The following NAV1 variants were observed in gnomAD, a reference collection of about 807,000 sequenced individuals.
NAV1 encodes the protein pore membrane and/or filament interacting like protein 3.
Under a neutral mutation model 175.2 loss-of-function variants are expected in NAV1, and 18 were observed. The ratio of observed to expected loss-of-function variants is 0.10; its 90% CI spans 0.07 to 0.15. The LOEUF is 0.15. Among genes scored for constraint, NAV1 ranks in the 10% least tolerant of loss-of-function variants. The pLI is 1.00. For missense variants in NAV1, 1,731 were observed against 2,436.6 expected, an observed-to-expected ratio of 0.71 and a Z score of 6.10; for synonymous variants, 897 against 978.7, an observed-to-expected ratio of 0.92 and a Z score of 1.56.
chr1:201,572,365 TCTTTC>T (rs1666569174), intron 1 of NAV1, among the ~76,000 whole-genome samples: 1 of 146,994 alleles, frequency 6.8e-6, no homozygotes, highest in African/African-American at 2.6e-5. Flanking sequence ...TTTCTTTCTT[TCTTTC>T]TTTTTTTTTT....
chr1:201,576,392 G>T (rs2102183553), intron 1 of NAV1, among the ~76,000 whole-genome samples: 1 of 152,288 alleles, frequency 6.6e-6, no homozygotes, highest in East Asian at 1.9e-4. Flanking sequence ...ACCATAGTTT[G>T]TTTAATCATT....
At chr1:201,669,608 T>C (rs933424696) in intron 1 of NAV1, among the ~76,000 whole-genome samples, 1 of 152,196 alleles carries the variant, frequency 6.6e-6, no homozygotes, top group African/African-American at 2.4e-5. Flanking sequence ...ACATCAGGTT[T>C]GTGTTTTTCC....
intron 1 of NAV1, among the ~76,000 whole-genome samples, chr1:201,583,579 G>C (rs1347352125): frequency 1.3e-5 from 2 of 152,230 alleles, no homozygotes; most frequent in Non-Finnish European, 2.9e-5. Flanking sequence ...GTGGCACTTG[G>C]GGCCCTGGAA....
intron 1 of NAV1, among the ~76,000 whole-genome samples, chr1:201,704,662 CA>C (rs1338783437): frequency 6.6e-6 from 1 of 152,218 alleles, no homozygotes; most frequent in East Asian, 1.9e-4. Flanking sequence ...AAGGATTTTC[CA>C]AAATGTGGCC....
At chr1:201,583,522 G>A (rs532278292) in intron 1 of NAV1, among the ~76,000 whole-genome samples, 31 of 152,240 alleles carry the variant, frequency 2.0e-4, no homozygotes, top group Non-Finnish European at 4.3e-4. Context: ...TCTCTGAGTG[G>A]GTGAAGGAGG....
chr1:201,577,127 C>T (rs751279357), intron 1 of NAV1, among the ~76,000 whole-genome samples: 5 of 152,190 alleles, frequency 3.3e-5, no homozygotes, highest in African/African-American at 7.2e-5. Flanking sequence ...GCTGGGATTA[C>T]AGGAGTGAAC....
chr1:201,712,723 T>A (rs1671961379), intron 1 of NAV1, 94 bp from the exon 6 acceptor site: 1 of 855,618 alleles, frequency 1.2e-6, no homozygotes, highest in Non-Finnish European at 2.0e-6. Flanking sequence ...GGGACTAGCC[T>A]CCTGGGGACA....
intron 13 of NAV1, chr1:201,792,488 G>A (rs1677182368): frequency 6.6e-6 from 1 of 152,380 alleles, no homozygotes. Flanking sequence ...GGGAGAGCGG[G>A]GAGAAAGCCC....
chr1:201,790,571 A>C, exon 12 of NAV1: 1 of 1,614,046 alleles, frequency 6.2e-7, no homozygotes, highest in Non-Finnish European at 8.5e-7. Flanking sequence ...AGAGGATGCA[A>C]TCTGAGGTAG....
intron 1 of NAV1, among the ~76,000 whole-genome samples, chr1:201,683,866 C>T (rs1670565713): frequency 6.9e-6 from 1 of 143,918 alleles, no homozygotes; most frequent in Non-Finnish European, 1.5e-5. Context: ...AGGAGGGCTT[C>T]ACCTCCTGGA....
upstream of NAV1, among the ~76,000 whole-genome samples, chr1:201,619,733 G>C (rs988255737): frequency 7.2e-5 from 11 of 152,218 alleles, no homozygotes; most frequent in African/African-American, 2.2e-4. Flanking sequence ...TGTCCTGGTG[G>C]GTGGGCAGGG....
chr1:201,604,636 C>T (rs148545268), intron 2 of NAV1, among the ~76,000 whole-genome samples: 197 of 145,004 alleles, frequency 1.4e-3, no homozygotes, highest in African/African-American at 4.9e-3. Context: ...GAGCCGAGAT[C>T]GTGCCACTGC....
At chr1:201,544,060 C>T (rs35578983) in intron 1 of NAV1, among the ~76,000 whole-genome samples, 2 of 152,078 alleles carry the variant, frequency 1.3e-5, no homozygotes, top group Non-Finnish European at 2.9e-5. Context: ...CCACGCCCAG[C>T]CTCAGCGCGG....
At chr1:201,591,430 C>T (rs980938671) in intron 2 of NAV1, among the ~76,000 whole-genome samples, 1 of 152,146 alleles carries the variant, frequency 6.6e-6, no homozygotes, top group African/African-American at 2.4e-5. Flanking sequence ...GTCAGGGCCC[C>T]TCCCAGGGCT....
chr1:201,676,570 T>A (rs1156829640), intron 1 of NAV1, among the ~76,000 whole-genome samples: 3 of 150,606 alleles, frequency 2.0e-5, no homozygotes, highest in Admixed American at 6.6e-5. Flanking sequence ...TCGCAGGAAA[T>A]AGTTTCACCC....
Position 201,783,805 on chromosome 1 carries a change from G to A in NAV1, c.2757G>A (p.Thr919=), listed in dbSNP as rs115190792. 342 of 1,613,960 alleles carry A rather than the reference G, an allele frequency of 2.1e-4. No homozygotes were observed. The African/African-American group carries it at 3.4e-3, about 16-fold the overall frequency. ...CTGCTGCTCCCACAGAAGAAGAGAC[G>A]GAAGAGCTGACTTGGAGTGGAAGCC... Residue 919 remains threonine, a synonymous_variant, in exon 7 of 30, where the codon ACG becomes ACA. Transcript: ENST00000367296.
intron 3 of NAV1, chr1:201,723,532 C>G (rs1672480471): frequency 6.6e-6 from 1 of 152,158 alleles, no homozygotes; most frequent in South Asian, 2.1e-4. Context: ...TGCAGCTTTT[C>G]CCCTACGTTT....
chr1:201,756,809 C>CTTCTTTCTTTCTTTCTTTCTTTCT (rs534285799), intron 3 of NAV1, among the ~76,000 whole-genome samples: 3 of 27,002 alleles, frequency 1.1e-4, no homozygotes, highest in South Asian at 1.2e-3. Context: ...TCTTTCTTTC[C>CTTCTTTCTTTCTTTCTTTCTTTCT]TTCTTTCTTT....
chr1:201,817,272 A>G, exon 29 of NAV1: 1 of 1,614,094 alleles, frequency 6.2e-7, no homozygotes, highest in South Asian at 1.1e-5. Context: ...AGTTCTCTGG[A>G]CTCAGATCCT....
Sources: allele counts gnomAD v4.1 joint callset (sites outside exome capture counted in the v4.1 genomes callset), GRCh38; gene constraint gnomAD v4.1.1; transcripts MANE v1.5; gene names NCBI Gene and HGNC (gene_info 2026-07-23, HGNC 2026-07-21).